The following NELL1 variants were observed in gnomAD, a reference collection of about 807,000 sequenced individuals.
NELL1 encodes the protein protein kinase C-binding protein NELL1.
NELL1 carries 76 observed loss-of-function variants against 107.4 expected under a neutral mutation model. The ratio of observed to expected loss-of-function variants is 0.71; its 90% CI spans 0.59 to 0.86. NELL1 has a LOEUF of 0.86. Among genes scored for constraint, NELL1 ranks in the 40% least tolerant of loss-of-function variants. The pLI is 0.00. For synonymous variants in NELL1, 353 were observed against 341.2 expected, an observed-to-expected ratio of 1.03 and a Z score of -0.38; for missense variants, 1,024 against 1,005.5, an observed-to-expected ratio of 1.02 and a Z score of -0.25.
At chr11:20,922,373 A>G (rs1443266634) in intron 7 of NELL1, among the ~76,000 whole-genome samples, 2 of 150,822 alleles carry the variant, frequency 1.3e-5, no homozygotes, top group African/African-American at 2.4e-5. Flanking sequence ...GTTTTTATTT[A>G]TATATTGAAT....
At chr11:21,088,059 CTGTGTGTGTGTGTGTGTGTGTGTGTG>C (rs56900585) in intron 12 of NELL1, among the ~76,000 whole-genome samples, 2 of 135,992 alleles carry the variant, frequency 1.5e-5, no homozygotes, top group African/African-American at 5.5e-5. Context: ...CCCAGTAGCT[CTGTGTGTGTGTGTGTGTGTGTGTGTG>C]TGTGTGTGTG....
At chr11:20,974,107 T>A (rs2134233452) in intron 12 of NELL1, among the ~76,000 whole-genome samples, 1 of 152,346 alleles carries the variant, frequency 6.6e-6, no homozygotes. Context: ...AGACTGGGAT[T>A]GTTGCCTGTT....
chr11:21,372,465 G>A (rs529096438), intron 15 of NELL1, among the ~76,000 whole-genome samples: 12 of 151,952 alleles, frequency 7.9e-5, no homozygotes, highest in African/African-American at 2.9e-4. Flanking sequence ...AATATTTTAA[G>A]ATTAAACAAA....
chr11:21,338,954 G>T (rs1850499962), intron 14 of NELL1, among the ~76,000 whole-genome samples: 1 of 152,104 alleles, frequency 6.6e-6, no homozygotes, highest in Non-Finnish European at 1.5e-5. Context: ...AACATTAAGA[G>T]CCACTAATCT....
intron 2 of NELL1, among the ~76,000 whole-genome samples, chr11:20,729,277 A>G (rs1855576622): frequency 6.6e-6 from 1 of 151,700 alleles, no homozygotes; most frequent in African/African-American, 2.4e-5. Flanking sequence ...TTCTTTTTTG[A>G]CCTATTTAGA....
intron 14 of NELL1, among the ~76,000 whole-genome samples, chr11:21,247,837 A>G (rs1858533325): frequency 2.6e-5 from 4 of 152,204 alleles, no homozygotes; most frequent in Admixed American, 2.6e-4. Context: ...CAAACATGTG[A>G]TTGATGCACT....
At chr11:20,939,758 A>T (rs1850809587) in intron 10 of NELL1, among the ~76,000 whole-genome samples, 1 of 152,140 alleles carries the variant, frequency 6.6e-6, no homozygotes, top group Non-Finnish European at 1.5e-5. Flanking sequence ...TCTCTTCATT[A>T]GGTGATGACG....
intron 12 of NELL1, among the ~76,000 whole-genome samples, chr11:20,960,774 C>A (rs1353489710): frequency 6.6e-6 from 1 of 152,146 alleles, no homozygotes; most frequent in African/African-American, 2.4e-5. Flanking sequence ...CGTTATGAAG[C>A]ACGGCAAAGA....
chr11:20,703,233 G>A (rs969533874), intron 2 of NELL1, among the ~76,000 whole-genome samples: 1 of 152,132 alleles, frequency 6.6e-6, no homozygotes, highest in Non-Finnish European at 1.5e-5. Flanking sequence ...TGTTGGGAGG[G>A]TGTATGTGTC....
At chr11:21,021,835 T>A (rs554429411) in intron 12 of NELL1, among the ~76,000 whole-genome samples, 2 of 152,290 alleles carry the variant, frequency 1.3e-5, no homozygotes, top group East Asian at 3.9e-4. Flanking sequence ...GAGAAGCAAA[T>A]TGAACTTGCG....
In NELL1 at chr11:20,680,089, C is replaced by T. The variant is rs114679573; in HGVS notation, c.184+2029C>T. Among the ~76,000 whole-genome samples the T allele has an allele frequency of 1.9e-3, 288 of 152,194 alleles. 1 individual carries two copies. Among genetic ancestry groups the T allele is most frequent in the African/African-American group, 6.6e-3 (276 of 41,534 alleles). On this transcript the variant is annotated intron_variant, in intron 2 of 19. Coordinates refer to ENST00000357134, the MANE Select transcript of NELL1 (RefSeq NM_006157.5). ...TGGAACTTTGACAGAGAAGGCCTTT[C>T]GCTTATATCCCCTGTGATTATATTC... is the stretch of plus-strand genomic sequence containing the variant.
At chr11:20,996,907 T>G (rs1461186933) in intron 12 of NELL1, among the ~76,000 whole-genome samples, 1 of 152,164 alleles carries the variant, frequency 6.6e-6, no homozygotes, top group African/African-American at 2.4e-5. Flanking sequence ...CTCCCCCACC[T>G]CCATATCCTC....
chr11:21,164,124 A>G (rs1856431690), intron 13 of NELL1, among the ~76,000 whole-genome samples: 1 of 152,188 alleles, frequency 6.6e-6, no homozygotes, highest in Non-Finnish European at 1.5e-5. Context: ...AGCCTCCAGA[A>G]CTGTGGGAAT....
At chr11:21,221,244 G>T (rs898294267) in intron 13 of NELL1, among the ~76,000 whole-genome samples, 2 of 152,150 alleles carry the variant, frequency 1.3e-5, no homozygotes, top group Non-Finnish European at 2.9e-5. Flanking sequence ...CTTGATCATG[G>T]TGTATAATCT....
At chr11:21,350,316 T>C (rs1183448667) in intron 14 of NELL1, among the ~76,000 whole-genome samples, 1 of 151,886 alleles carries the variant, frequency 6.6e-6, no homozygotes, top group Non-Finnish European at 1.5e-5. Context: ...GCACTAGTAA[T>C]GGCTAATAAA....
At chr11:21,554,319 T>G (rs2133993894) in intron 16 of NELL1, among the ~76,000 whole-genome samples, 1 of 152,014 alleles carries the variant, frequency 6.6e-6, no homozygotes, top group South Asian at 2.1e-4. Context: ...TGTAAGAAAA[T>G]TATGTTTTTC....
chr11:21,304,456 G>A (rs1849565227), intron 14 of NELL1, among the ~76,000 whole-genome samples: 1 of 152,118 alleles, frequency 6.6e-6, no homozygotes, highest in Middle Eastern at 3.4e-3. Context: ...ATGCAGTGGG[G>A]AAAGGATTGC....
At chr11:21,453,100 AT>A in intron 15 of NELL1, among the ~76,000 whole-genome samples, 1 of 152,024 alleles carries the variant, frequency 6.6e-6, no homozygotes, top group South Asian at 2.1e-4. Context: ...TTGGAGGAAG[AT>A]TTTCTAAATG....
At chr11:20,968,027 A>T (rs1590474634) in intron 12 of NELL1, among the ~76,000 whole-genome samples, 1 of 152,112 alleles carries the variant, frequency 6.6e-6, no homozygotes. Context: ...AGATCTTTCC[A>T]AATCTGCTTT....
Sources: gnomAD v4.1 joint callset for allele counts (sites outside exome capture counted in the v4.1 genomes callset) on GRCh38, gnomAD v4.1.1 for gene constraint, MANE v1.5 for transcripts, NCBI Gene and HGNC (gene_info 2026-07-23, HGNC 2026-07-21) for gene names.